The following NRCAM variants were observed in gnomAD, a reference collection of about 807,000 sequenced individuals.
The protein encoded by NRCAM is neuronal cell adhesion molecule.
In NRCAM, 83 loss-of-function variants were observed where a neutral mutation model predicts 156.5. That is an observed-to-expected ratio of 0.53 (90% CI 0.44 to 0.64). The LOEUF is 0.64. NRCAM is among the 30% of genes least tolerant of loss of function. NRCAM has a pLI of 0.00. For missense variants in NRCAM, 1,417 were observed against 1,597.3 expected, an observed-to-expected ratio of 0.89 and a Z score of 1.92; for synonymous variants, 538 against 563.9, an observed-to-expected ratio of 0.95 and a Z score of 0.65.
At chr7:108,284,106 G>A (rs2097972858) in intron 3 of NRCAM, among the ~76,000 whole-genome samples, 2 of 152,076 alleles carry the variant, frequency 1.3e-5, no homozygotes, top group South Asian at 4.2e-4. Flanking sequence ...ACAGGTGTAA[G>A]CCATTATGCC....
At chr7:108,433,090 G>C (rs1172035564) in intron 1 of NRCAM, among the ~76,000 whole-genome samples, 3 of 152,174 alleles carry the variant, frequency 2.0e-5, no homozygotes, top group East Asian at 1.9e-4. Flanking sequence ...CTTGGAGCAA[G>C]AGTGCAAATG....
chr7:108,228,885 T>C (rs1358561427), intron 8 of NRCAM, among the ~76,000 whole-genome samples: 3 of 152,228 alleles, frequency 2.0e-5, no homozygotes, highest in African/African-American at 7.2e-5. Flanking sequence ...TATTTGTTTT[T>C]TATTTCTTTG....
chr7:108,292,011 C>T (rs1244262242), intron 3 of NRCAM, among the ~76,000 whole-genome samples: 1 of 152,230 alleles, frequency 6.6e-6, no homozygotes, highest in African/African-American at 2.4e-5. Flanking sequence ...CCCGCTTAAA[C>T]AGTGCAGGGT....
At chr7:108,232,836 T>C (rs944186990) in intron 6 of NRCAM, among the ~76,000 whole-genome samples, 2 of 152,122 alleles carry the variant, frequency 1.3e-5, no homozygotes, top group Admixed American at 6.6e-5. Flanking sequence ...TACACTCTCT[T>C]AGAGCTTTAT....
At chr7:108,159,633 A>G (rs1243446000) in intron 31 of NRCAM, 92 bp from the exon 32 acceptor site, 1 of 913,338 alleles carries the variant, frequency 1.1e-6, no homozygotes, top group African/African-American at 1.6e-5. Context: ...TACAGCAGTG[A>G]AAAATAATTC....
chr7:108,203,656 T>TG (rs2079405996), intron 13 of NRCAM, among the ~76,000 whole-genome samples: 1 of 151,752 alleles, frequency 6.6e-6, no homozygotes, highest in African/African-American at 2.4e-5. Context: ...AAGTCAGGAG[T>TG]GGGGAGGCTG....
Position 108,176,597 on chromosome 7 carries a change from G to C in NRCAM, c.2984C>G (p.Thr995Arg). ...YTLKYQPINS[T>R]HELGPLVDLK... Reference sequence around the variant, plus strand: ...ATCTACCAGAGGGCCTAATTCATGTGTGCTGTTAACTGTCAATAAGAAATA... The same window carrying C: ...ATCTACCAGAGGGCCTAATTCATGTCTGCTGTTAACTGTCAATAAGAAATA... Residue 995 changes from threonine (T) to arginine (R), a missense_variant, in exon 27 of 33, where the codon ACA (threonine) becomes AGA (arginine). By Grantham distance (71) the Thr-to-Arg change is moderately conservative (BLOSUM62 -1). Around this residue, in one of 2 missense-constraint regions of NRCAM, gnomAD observed 1,238 missense variants for 1,336.4 expected, o/e 0.93. Coordinates refer to ENST00000379028, the MANE Select transcript of NRCAM (RefSeq NM_001037132.4). 1.2e-6 allele frequency: 2 copies of C among 1,612,150 alleles called. No homozygotes were observed. The highest frequency in any genetic ancestry group is 1.7e-6 in the Non-Finnish European group (2 of 1,178,972).
intron 11 of NRCAM, among the ~76,000 whole-genome samples, chr7:108,222,951 G>A (rs12534073): frequency 0.23 from 35,338 of 152,092 alleles, 4,357 homozygotes; most frequent in Non-Finnish European, 0.27. Flanking sequence ...TGTCAAAGGC[G>A]CGTCAGTTCT....
intron 22 of NRCAM, 73 bp downstream of exon 22, chr7:108,184,168 T>C: frequency 2.8e-6 from 3 of 1,082,166 alleles, no homozygotes; most frequent in Non-Finnish European, 4.2e-6. Context: ...GATTCTAATG[T>C]AGATATTATT....
At chr7:108,225,623 A>T in intron 10 of NRCAM, 22 bp downstream of exon 10, 1 of 1,437,518 alleles carries the variant, frequency 7.0e-7, no homozygotes, top group Non-Finnish European at 9.8e-7. Flanking sequence ...AGAGAATATC[A>T]GTTACAATCA....
rs1811229690 is a variant in NRCAM, at chr7:108,422,435, C to G, written c.-331-22842G>C. On this transcript the variant is annotated intron_variant, in intron 1 of 32. Coordinates refer to ENST00000379028, the MANE Select transcript of NRCAM (RefSeq NM_001037132.4). ...TGCTGAAGGTCACCCAGCTAAGTCA[C>G]TTACTGAATACTCACTTACTGTATC... Among the ~76,000 whole-genome samples, 5 of 152,092 alleles carry G rather than the reference C, an allele frequency of 3.3e-5. No individual in the cohort carries two copies. In the South Asian group the frequency reaches 1.0e-3, roughly 32 times the overall value.
In NRCAM at chr7:108,209,615, T is replaced by A; in HGVS notation, c.891-10A>T. Reference sequence around the variant, plus strand: ...AATAATTGGGGTAGGCCTGATAGGATAAATAAATAATGATGTTACAAAAAA... The same window carrying A: ...AATAATTGGGGTAGGCCTGATAGGAAAAATAAATAATGATGTTACAAAAAA... On this transcript the variant is annotated splice_polypyrimidine_tract_variant and intron_variant, in intron 11 of 32. Coordinates refer to ENST00000379028, the MANE Select transcript of NRCAM (RefSeq NM_001037132.4). 3.8e-6 allele frequency: 6 copies of A among 1,562,548 alleles called. No individual in the cohort carries two copies. Among genetic ancestry groups the A allele is most frequent in the Non-Finnish European group, 5.2e-6 (6 of 1,160,446 alleles).
Position 108,205,646 on chromosome 7 carries a change from CA to C in NRCAM, c.1207+1881del, listed in dbSNP as rs1314842496. Reference sequence around the variant, plus strand: ...ACTTTTAAACTTCCATAAATGGACACAAAAACTCTGAGCTGCAAAACATGGT... The same window carrying C: ...ACTTTTAAACTTCCATAAATGGACACAAAACTCTGAGCTGCAAAACATGGT... On this transcript the variant is annotated intron_variant, in intron 13 of 32. Coordinates refer to ENST00000379028, the MANE Select transcript of NRCAM (RefSeq NM_001037132.4). Among the ~76,000 whole-genome samples the C allele has an allele frequency of 2.5e-4, 38 of 152,300 alleles. 1 individual carries two copies. In the South Asian group the frequency reaches 6.4e-3, roughly 26 times the overall value.
At chr7:108,207,733 T>G in intron 12 of NRCAM, 74 bp from the exon 13 acceptor site, 1 of 1,299,308 alleles carries the variant, frequency 7.7e-7, no homozygotes, top group African/African-American at 1.5e-5. Context: ...TATTGAACTA[T>G]TTTAATAATA....
Position 108,202,901 on chromosome 7 carries a change from A to G in NRCAM, c.1207+4627T>C, listed in dbSNP as rs984460554. Among the ~76,000 whole-genome samples the G allele has an allele frequency of 3.9e-4, 59 of 152,304 alleles. 1 individual carries two copies. The highest frequency in any genetic ancestry group is 7.7e-4 in the East Asian group (4 of 5,176). ...TCCACGTTTCATGCAGAAGAGTCTG[A>G]CAGACCTAATACAACGCACGCTGGA... On this transcript the variant is annotated intron_variant, in intron 13 of 32. Transcript: ENST00000379028.
chr7:108,243,007 GA>G, intron 3 of NRCAM: 1 of 152,140 alleles, frequency 6.6e-6, no homozygotes, highest in Non-Finnish European at 1.5e-5. Flanking sequence ...GTTTTATAAA[GA>G]AAAAAATCGC....
intron 3 of NRCAM, among the ~76,000 whole-genome samples, chr7:108,307,365 G>C (rs1370062707): frequency 1.3e-5 from 2 of 152,172 alleles, no homozygotes; most frequent in Non-Finnish European, 2.9e-5. Context: ...AAAGAGCACA[G>C]AGCAGCAATG....
At position 108,215,212 on chromosome 7, in the gene NRCAM, A is replaced by ATT. The variant is rs71137615; in HGVS notation, c.891-5609_891-5608dup. On this transcript the variant is annotated intron_variant, in intron 11 of 32. Transcript: ENST00000379028. ...CAGCAGGGTGTTAAAGTGTCCCACT[A>ATT]TTTTTTTTTTTTTTTTTTGAGATGG... 1.3e-3 allele frequency among the ~76,000 whole-genome samples: 162 copies of ATT among 126,532 alleles called. 1 individual carries two copies. Among genetic ancestry groups the ATT allele is most frequent in the African/African-American group, 2.6e-3 (87 of 33,442 alleles). The allele number at this position is 126,532 out of a possible 152,430, so 83.0% of individuals were successfully genotyped here. A position where few individuals can be genotyped will look rare whatever the true frequency, so the allele number is the denominator to read the frequency against.
At chr7:108,403,217 G>A (rs1380003362) in intron 1 of NRCAM, among the ~76,000 whole-genome samples, 6 of 152,156 alleles carry the variant, frequency 3.9e-5, no homozygotes, top group African/African-American at 7.2e-5. Flanking sequence ...AGAAACAAGT[G>A]AAGCCTTTAT....
Sources: allele counts gnomAD v4.1 joint callset (sites outside exome capture counted in the v4.1 genomes callset), GRCh38; gene constraint gnomAD v4.1.1; regional missense constraint gnomAD v4.1.1; transcripts MANE v1.5; gene names NCBI Gene and HGNC (gene_info 2026-07-23, HGNC 2026-07-21).